The following MAGI2 variants were observed in gnomAD, a reference collection of about 807,000 sequenced individuals.
The protein encoded by MAGI2 is membrane-associated guanylate kinase, WW and PDZ domain-containing protein 2.
Under a neutral mutation model 133.3 loss-of-function variants are expected in MAGI2, and 35 were observed. That is an observed-to-expected ratio of 0.26 (90% CI 0.20 to 0.35). The LOEUF is 0.35. MAGI2 is among the 10% of genes least tolerant of loss of function. The pLI, the probability that MAGI2 is intolerant of heterozygous loss-of-function variation, is 1.00. For missense variants in MAGI2, 1,636 were observed against 1,863.4 expected, an observed-to-expected ratio of 0.88 and a Z score of 2.25; for synonymous variants, 729 against 710.6, an observed-to-expected ratio of 1.03 and a Z score of -0.41.
chr7:78,676,219 A>C (rs1417010408), intron 2 of MAGI2, among the ~76,000 whole-genome samples: 1 of 152,176 alleles, frequency 6.6e-6, no homozygotes, highest in African/African-American at 2.4e-5. Context: ...CCATTATAGA[A>C]ACACATTTAA....
chr7:78,328,680 A>C (rs569613572), intron 9 of MAGI2, among the ~76,000 whole-genome samples: 1 of 152,290 alleles, frequency 6.6e-6, no homozygotes, highest in South Asian at 2.1e-4. Flanking sequence ...ATTGTGCTTA[A>C]AATTATGTTC....
chr7:78,295,548 T>G (rs556207101), intron 9 of MAGI2, among the ~76,000 whole-genome samples: 2 of 152,310 alleles, frequency 1.3e-5, no homozygotes, highest in East Asian at 3.9e-4. Flanking sequence ...CTCGAGGAAT[T>G]TCTTCACTTG....
Position 78,460,402 on chromosome 7 carries a change from A to G in MAGI2, c.1045+29359T>C, listed in dbSNP as rs181443224. Among the ~76,000 whole-genome samples the G allele has an allele frequency of 3.3e-5, 5 of 152,348 alleles. No homozygotes were observed. In the East Asian group the frequency reaches 9.6e-4, roughly 29 times the overall value. ...GGTACTTGTTCTAAGTGTCAAACTG[A>G]TAGTTCTTTTGAAAATTCTAACTCA... On this transcript the variant is annotated intron_variant, in intron 6 of 21. Coordinates refer to ENST00000354212, the MANE Select transcript of MAGI2 (RefSeq NM_012301.4).
At chr7:78,108,855 A>G (rs1359974098) in intron 20 of MAGI2, among the ~76,000 whole-genome samples, 2 of 152,088 alleles carry the variant, frequency 1.3e-5, no homozygotes, top group Non-Finnish European at 2.9e-5. Context: ...ATATCAATAT[A>G]TCTATATCTA....
chr7:79,341,646 A>G (rs1447876338), intron 1 of MAGI2, among the ~76,000 whole-genome samples: 1 of 152,214 alleles, frequency 6.6e-6, no homozygotes, highest in Non-Finnish European at 1.5e-5. Flanking sequence ...AGCAGTGCGC[A>G]GTTATCTGCA....
chr7:78,181,802 A>C (rs1827212357), intron 13 of MAGI2, among the ~76,000 whole-genome samples: 1 of 152,240 alleles, frequency 6.6e-6, no homozygotes, highest in Non-Finnish European at 1.5e-5. Flanking sequence ...AACCTCTCTC[A>C]TAATAAAGAA....
chr7:78,665,919 A>G (rs980128845), intron 2 of MAGI2, among the ~76,000 whole-genome samples: 1 of 152,154 alleles, frequency 6.6e-6, no homozygotes, highest in Non-Finnish European at 1.5e-5. Context: ...TTTAGTGAGA[A>G]ATACTGACAA....
Position 78,616,109 on chromosome 7 carries a change from T to C in MAGI2, c.538+11011A>G, listed in dbSNP as rs1292867561. Reference sequence around the variant, plus strand: ...CAGAAAATGTTAGTGAATTAGCTAATAAATCCCAAGTCCCACATGTCCACA... The same window carrying C: ...CAGAAAATGTTAGTGAATTAGCTAACAAATCCCAAGTCCCACATGTCCACA... On this transcript the variant is annotated intron_variant, in intron 3 of 21. Coordinates refer to ENST00000354212, the MANE Select transcript of MAGI2 (RefSeq NM_012301.4). 3 of 152,264 alleles carry C rather than the reference T, an allele frequency of 2.0e-5. No individual in the cohort carries two copies. In the East Asian group the frequency reaches 5.8e-4, roughly 29 times the overall value. 9.4% of individuals were successfully genotyped at this position (152,264 alleles called of 1,614,324 possible).
chr7:78,540,957 GT>G (rs1798367782), intron 3 of MAGI2, among the ~76,000 whole-genome samples: 1 of 152,226 alleles, frequency 6.6e-6, no homozygotes, highest in Non-Finnish European at 1.5e-5. Flanking sequence ...CCATCTCAGA[GT>G]TTGCCGTGGC....
At chr7:78,403,360 T>C (rs1301209341) in intron 6 of MAGI2, among the ~76,000 whole-genome samples, 1 of 152,230 alleles carries the variant, frequency 6.6e-6, no homozygotes, top group East Asian at 1.9e-4. Context: ...TAGTATTCCA[T>C]GGTGTATATG....
At chr7:79,300,449 A>G (rs900292753) in intron 1 of MAGI2, among the ~76,000 whole-genome samples, 2 of 152,256 alleles carry the variant, frequency 1.3e-5, no homozygotes, top group East Asian at 3.9e-4. Flanking sequence ...CTTCAAAGTG[A>G]TGATTTAGGG....
chr7:79,414,519 A>G (rs774712262), intron 1 of MAGI2: 4 of 152,114 alleles, frequency 2.6e-5, no homozygotes, highest in African/African-American at 4.8e-5. Flanking sequence ...ATACATGATC[A>G]GAGGTGGCAT....
chr7:78,187,236 G>C (rs1486263049), intron 12 of MAGI2, among the ~76,000 whole-genome samples: 7 of 151,950 alleles, frequency 4.6e-5, no homozygotes, highest in African/African-American at 1.5e-4. Flanking sequence ...ACACATTTAG[G>C]CTTCAATATG....
intron 10 of MAGI2, among the ~76,000 whole-genome samples, chr7:78,202,903 G>A (rs184254781): frequency 9.0e-4 from 136 of 151,954 alleles, no homozygotes; most frequent in Middle Eastern, 3.4e-3. Context: ...GGATTTAATC[G>A]CATCCTTTTT....
chr7:78,683,846 C>T (rs1815969298), intron 2 of MAGI2, among the ~76,000 whole-genome samples: 1 of 152,190 alleles, frequency 6.6e-6, no homozygotes, highest in Non-Finnish European at 1.5e-5. Context: ...GAGAACAGTA[C>T]ACTGTAACTT....
At chr7:78,782,250 C>T (rs1826455264) in intron 2 of MAGI2, among the ~76,000 whole-genome samples, 1 of 152,124 alleles carries the variant, frequency 6.6e-6, no homozygotes, top group Non-Finnish European at 1.5e-5. Context: ...TTAGGTAGAA[C>T]AAACAGGTCT....
chr7:79,119,814 A>C (rs1342113813), intron 1 of MAGI2, among the ~76,000 whole-genome samples: 2 of 152,040 alleles, frequency 1.3e-5, no homozygotes, highest in Non-Finnish European at 2.9e-5. Flanking sequence ...ATAATGTATT[A>C]TGGTGTGAGG....
chr7:78,351,470 C>T (rs1281430903), intron 7 of MAGI2, among the ~76,000 whole-genome samples: 1 of 151,838 alleles, frequency 6.6e-6, no homozygotes, highest in Non-Finnish European at 1.5e-5. Context: ...ATTAGACAAG[C>T]AGCAACTCAG....
At chr7:78,573,269 TATAA>T (rs1801824174) in intron 3 of MAGI2, among the ~76,000 whole-genome samples, 2 of 24,944 alleles carry the variant, frequency 8.0e-5, no homozygotes, top group African/African-American at 2.9e-4. Flanking sequence ...TATAAATATA[TATAA>T]ATATATATAT....
Sources: gnomAD v4.1 joint callset for allele counts (sites outside exome capture counted in the v4.1 genomes callset) on GRCh38, gnomAD v4.1.1 for gene constraint, MANE v1.5 for transcripts, NCBI Gene and HGNC (gene_info 2026-07-23, HGNC 2026-07-21) for gene names.